ETV3: variants seen among roughly 807,000 people sequenced by gnomAD.
The protein encoded by ETV3 is ETS variant transcription factor 3.
Under a neutral mutation model 33.0 loss-of-function variants are expected in ETV3, and 8 were observed. The observed-to-expected ratio is 0.24, with a 90% confidence interval of 0.14 to 0.44. The LOEUF is 0.44. Ranked by LOEUF, ETV3 falls within the 20% of genes least tolerant of loss-of-function variation. The pLI is 1.00. For missense variants in ETV3, 473 were observed against 652.3 expected (o/e 0.73, Z 2.99); for synonymous variants, 222 against 238.9 (o/e 0.93, Z 0.65).
chr1:157,122,126 T>C lies in ETV3; in HGVS notation c.*2715A>G. ...GGGGAGAAAAAATAGGTCTGGTTGT[T>C]GTCCCCCTTTTTCCACCTGCTGCTG... On this transcript the variant is annotated 3_prime_UTR_variant, in exon 5 of 5. Transcript: ENST00000368192. 1 of 152,218 alleles carries C rather than the reference T, an allele frequency of 6.6e-6. No homozygotes were observed. Among genetic ancestry groups the C allele is most frequent in the Non-Finnish European group, 1.5e-5 (1 of 68,042 alleles). 9.4% of individuals were successfully genotyped at this position (152,218 alleles called of 1,614,324 possible). A position where few individuals can be genotyped will look rare whatever the true frequency, so the allele number is the denominator to read the frequency against.
chr1:157,137,235 T>C (rs7534733), intron 1 of ETV3, among the ~76,000 whole-genome samples: 1,568 of 151,790 alleles, frequency 0.01, 25 homozygotes, highest in African/African-American at 0.036. Flanking sequence ...CAGAGGGACA[T>C]GGAGGGAGGG....
chr1:157,134,483 C>T (rs965222515), intron 3 of ETV3, among the ~76,000 whole-genome samples: 1 of 152,194 alleles, frequency 6.6e-6, no homozygotes, highest in Non-Finnish European at 1.5e-5. Context: ...AACACTTATC[C>T]TAGCCCCAAA....
chr1:157,132,339 A>G (rs567117319), intron 4 of ETV3, among the ~76,000 whole-genome samples: 6 of 152,294 alleles, frequency 3.9e-5, no homozygotes, highest in Admixed American at 1.3e-4. Flanking sequence ...CTGGGCCACT[A>G]TTGTTAGGTT....
Position 157,121,564 on chromosome 1 carries a change from G to T in ETV3, c.*3277C>A, listed in dbSNP as rs1264520246. The T allele has an allele frequency of 6.6e-6, 1 of 152,090 alleles. No homozygotes were observed. The highest frequency in any genetic ancestry group is 1.5e-5 in the Non-Finnish European group (1 of 68,024). The allele number at this position is 152,090 out of a possible 1,614,324, so 9.4% of individuals were successfully genotyped here. On this transcript the variant is annotated 3_prime_UTR_variant, in exon 5 of 5. Coordinates refer to ENST00000368192, the MANE Select transcript of ETV3 (RefSeq NM_001145312.3). ...TAAATATCTCAAAACAAATTAACTG[G>T]TAACTTTTTATCCCCCTAAGAAGAA...
rs530073499 is a variant in ETV3 at position 157,125,469 on chromosome 1, G to A, written c.911C>T (p.Ser304Phe). 1 of 1,552,328 alleles carries A rather than the reference G, an allele frequency of 6.4e-7. No homozygotes were observed. Among genetic ancestry groups the A allele is most frequent in the African/African-American group, 1.4e-5 (1 of 73,166 alleles). Residue 304 changes from serine (S) to phenylalanine (F), a missense_variant, in exon 5 of 5, where the codon TCT (serine) becomes TTT (phenylalanine). Ser to Phe is a radical substitution (Grantham distance 155, BLOSUM62 -2). Transcript: ENST00000368192. The surrounding 1 kb of genome is among the most constrained non-coding windows in gnomAD (Gnocchi z 4.0). ...NPEEMKHYLH[S>F]QACSVFNYHL... ...GTAGTTGAACACAGAACAAGCTTGA[G>A]AATGAAGGTAGTGTTTCATTTCCTC...
At position 157,133,868 on chromosome 1, in the gene ETV3, T is replaced by C. The variant is rs971839036; in HGVS notation, c.400+244A>G. On this transcript the variant is annotated intron_variant, in intron 4 of 4. Coordinates refer to ENST00000368192, the MANE Select transcript of ETV3 (RefSeq NM_001145312.3). ...AGATAGCGTAATAGTATCTAGGAGATTACAAACAATATGCAGAAAAGGGAA... is the reference window on the plus strand; with the variant it reads ...AGATAGCGTAATAGTATCTAGGAGACTACAAACAATATGCAGAAAAGGGAA... 5.2e-6 allele frequency: 7 copies of C among 1,347,100 alleles called. No homozygotes were observed. In the East Asian group the frequency reaches 2.1e-4, roughly 40 times the overall value. The allele number at this position is 1,347,100 out of a possible 1,614,324, so 83.4% of individuals were successfully genotyped here. A position where few individuals can be genotyped will look rare whatever the true frequency, so the allele number is the denominator to read the frequency against.
chr1:157,137,259 G>C (rs1017776392), intron 1 of ETV3, among the ~76,000 whole-genome samples: 4 of 152,030 alleles, frequency 2.6e-5, no homozygotes, highest in African/African-American at 9.7e-5. Flanking sequence ...ATCTACCCTC[G>C]CTGTTCCCCA....
intron 3 of ETV3, among the ~76,000 whole-genome samples, chr1:157,134,802 A>G (rs1433975956): frequency 6.6e-6 from 1 of 152,254 alleles, no homozygotes; most frequent in Admixed American, 6.5e-5. Context: ...GCCACTGTAC[A>G]GAGTTTACAT....
chr1:157,124,745 C>T lies in ETV3; in HGVS notation c.*96G>A, dbSNP rs1674784770. The T allele has an allele frequency of 3.9e-6, 4 of 1,029,090 alleles. No homozygotes were observed. The highest frequency in any genetic ancestry group is 2.9e-5 in the Admixed American group (1 of 34,122). 63.7% of individuals were successfully genotyped at this position (1,029,090 alleles called of 1,614,324 possible). On this transcript the variant is annotated 3_prime_UTR_variant, in exon 5 of 5. Coordinates refer to ENST00000368192, the MANE Select transcript of ETV3 (RefSeq NM_001145312.3). ...GTCTATGCCCCTAGAATGATCAAAC[C>T]AGTTTAACTCCCTCCCCCCCACCCT...
chr1:157,124,857 G>T lies in ETV3; in HGVS notation c.1523C>A (p.Ala508Glu). 2 of 1,538,962 alleles carry T rather than the reference G, an allele frequency of 1.3e-6. No individual in the cohort carries two copies. The highest frequency in any genetic ancestry group is 1.8e-6 in the Non-Finnish European group (2 of 1,142,766). Residue 508 changes from alanine (A) to glutamate (E), a missense_variant, in exon 5 of 5, where the codon GCA becomes GAA. Coordinates refer to ENST00000368192, the MANE Select transcript of ETV3 (RefSeq NM_001145312.3). ...NGSGPQGLAT[A>E]AADA ...CTTCCAGTTCTAAGCATCAGCAGCT[G>T]CTGTTGCCAAGCCCTGGGGTCCTGA...
At chr1:157,134,058 A>G in intron 4 of ETV3, 54 bp downstream of exon 4, 1 of 1,589,482 alleles carries the variant, frequency 6.3e-7, no homozygotes, top group Non-Finnish European at 8.5e-7. Context: ...TTGGATTTTT[A>G]AAAATTCTTT....
intron 4 of ETV3, among the ~76,000 whole-genome samples, chr1:157,128,121 G>A (rs1365565658): frequency 7.2e-5 from 11 of 152,190 alleles, no homozygotes; most frequent in Admixed American, 7.2e-4. Context: ...CTCCCAATCA[G>A]CTGGTGCCTT....
chr1:157,133,990 A>G (rs1675034035), intron 4 of ETV3, 122 bp downstream of exon 4: 1 of 1,482,110 alleles, frequency 6.7e-7, no homozygotes, highest in African/African-American at 1.4e-5. Flanking sequence ...GAGGCAATCC[A>G]AAGGATCACA....
intron 4 of ETV3, among the ~76,000 whole-genome samples, chr1:157,126,444 T>C (rs1452613465): frequency 2.0e-5 from 3 of 152,246 alleles, no homozygotes; most frequent in Non-Finnish European, 4.4e-5. Flanking sequence ...CTTATTTCCA[T>C]AATTTTGGCC....
chr1:157,133,801 C>T (rs997281674), intron 4 of ETV3: 30 of 1,098,036 alleles, frequency 2.7e-5, no homozygotes, highest in African/African-American at 1.3e-4. Context: ...GAGTCCTGAA[C>T]GTAAAGATCA....
At chr1:157,131,217 G>A (rs1408575590) in intron 4 of ETV3, among the ~76,000 whole-genome samples, 1 of 152,124 alleles carries the variant, frequency 6.6e-6, no homozygotes, top group Non-Finnish European at 1.5e-5. Context: ...TCCCTGAACT[G>A]GTCTGTCCTG....
chr1:157,133,530 GA>G (rs1675022713), intron 4 of ETV3: 1 of 985,826 alleles, frequency 1.0e-6, no homozygotes, highest in African/African-American at 1.7e-5. Flanking sequence ...GGAAAGTCAA[GA>G]GGGGAAGCCC....
intron 1 of ETV3, 70 bp from the exon 2 acceptor site, chr1:157,136,435 C>A: frequency 7.1e-7 from 1 of 1,404,034 alleles, no homozygotes; most frequent in Non-Finnish European, 9.7e-7. Flanking sequence ...AGTTTTCTGG[C>A]AGTCTCTCCC....
chr1:157,137,964 C>T (rs938226112), intron 1 of ETV3, among the ~76,000 whole-genome samples: 3 of 152,204 alleles, frequency 2.0e-5, no homozygotes, highest in African/African-American at 7.2e-5. Flanking sequence ...TGATCGCGAC[C>T]ACTCCCCGAA....
Sources: allele counts gnomAD v4.1 joint callset (sites outside exome capture counted in the v4.1 genomes callset), GRCh38; gene constraint gnomAD v4.1.1; non-coding constraint Gnocchi (gnomAD v3.1); transcripts MANE v1.5; gene names NCBI Gene and HGNC (gene_info 2026-07-23, HGNC 2026-07-21).